The following MYOF variants were observed in gnomAD, a reference collection of about 807,000 sequenced individuals.
The protein encoded by MYOF is myoferlin, also known as fer-1-like 3, myoferlin.
A neutral mutation model predicts 284.2 loss-of-function variants in MYOF; 244 were observed. The observed-to-expected ratio is 0.86, with a 90% confidence interval of 0.77 to 0.95. The LOEUF (loss-of-function observed/expected upper bound fraction) is 0.95. Ranked by LOEUF, MYOF falls within the 40% of genes least tolerant of loss-of-function variation. The pLI is 0.00. For missense variants in MYOF, 2,496 were observed against 2,560.6 expected, an observed-to-expected ratio of 0.97 and a Z score of 0.54; for synonymous variants, 904 against 919.7, an observed-to-expected ratio of 0.98 and a Z score of 0.31.
At chr10:93,439,698 G>A (rs1222605692) in intron 3 of MYOF, among the ~76,000 whole-genome samples, 1 of 152,204 alleles carries the variant, frequency 6.6e-6, no homozygotes, top group Admixed American at 6.5e-5. Context: ...GGGATTAAAA[G>A]GATGATATGG....
At chr10:93,335,496 C>T (rs991048884) in intron 41 of MYOF, among the ~76,000 whole-genome samples, 15 of 152,096 alleles carry the variant, frequency 9.9e-5, no homozygotes, top group Non-Finnish European at 1.0e-4. Flanking sequence ...GAAGTTGTCA[C>T]GATGATCCTG....
At chr10:93,461,997 CT>C (rs2056893670) in intron 1 of MYOF, among the ~76,000 whole-genome samples, 1 of 152,150 alleles carries the variant, frequency 6.6e-6, no homozygotes, top group African/African-American at 2.4e-5. Flanking sequence ...TCAACCAGAA[CT>C]TCCTGCAGCT....
Position 93,456,946 on chromosome 10 carries a change from G to A in MYOF, c.89-9C>T. The stretch of plus-strand genomic sequence containing the variant: ...TGTTTTCTTTTTCTCATCTGCAAAA[G>A]AGATAAAGGAAGAGACAGCAATCAT... On this transcript the variant is annotated splice_polypyrimidine_tract_variant and intron_variant, in intron 1 of 53. Transcript: ENST00000359263. 1 of 1,594,852 alleles carries A rather than the reference G, an allele frequency of 6.3e-7. No individual in the cohort carries two copies. The highest frequency in any genetic ancestry group is 1.7e-4 in the Middle Eastern group (1 of 5,956).
chr10:93,425,356 A>G (rs1848539049), intron 5 of MYOF, among the ~76,000 whole-genome samples: 1 of 152,092 alleles, frequency 6.6e-6, no homozygotes, highest in South Asian at 2.1e-4. Context: ...AGGAAGGGAC[A>G]GAGACTTTTA....
intron 3 of MYOF, among the ~76,000 whole-genome samples, chr10:93,451,080 C>A (rs1234602162): frequency 6.6e-6 from 1 of 152,158 alleles, no homozygotes; most frequent in Non-Finnish European, 1.5e-5. Context: ...TAGCTCACAC[C>A]TGTAGTTCCA....
At chr10:93,432,779 C>T (rs1034348790) in intron 3 of MYOF, among the ~76,000 whole-genome samples, 1 of 152,168 alleles carries the variant, frequency 6.6e-6, no homozygotes, top group Admixed American at 6.5e-5. Context: ...ATGAGGAAAG[C>T]CCCCTCGACT....
intron 4 of MYOF, among the ~76,000 whole-genome samples, chr10:93,429,995 C>T (rs925051332): frequency 2.7e-5 from 4 of 150,006 alleles, no homozygotes; most frequent in Non-Finnish European, 3.0e-5. Context: ...AGTGCAGTGG[C>T]GCGATCTTGG....
intron 16 of MYOF, among the ~76,000 whole-genome samples, chr10:93,393,787 C>T (rs960095951): frequency 2.0e-5 from 3 of 152,192 alleles, no homozygotes; most frequent in Non-Finnish European, 4.4e-5. Flanking sequence ...CTCCACTCCC[C>T]TTCCTCCTTC....
intron 5 of MYOF, among the ~76,000 whole-genome samples, chr10:93,419,855 G>T (rs1309128707): frequency 6.6e-6 from 1 of 152,158 alleles, no homozygotes; most frequent in Non-Finnish European, 1.5e-5. Context: ...TTTAAGGCTG[G>T]GCATGGTGGC....
At chr10:93,329,858 G>A in intron 43 of MYOF, 24 bp from the exon 44 acceptor site, 1 of 1,612,736 alleles carries the variant, frequency 6.2e-7, no homozygotes, top group Non-Finnish European at 8.5e-7. Flanking sequence ...TGCAAGGTCA[G>A]AATCTTCATG....
intron 3 of MYOF, among the ~76,000 whole-genome samples, chr10:93,440,187 G>T (rs2056200710): frequency 6.6e-6 from 1 of 152,146 alleles, no homozygotes. Flanking sequence ...GCCGAGGCAG[G>T]TGGATCACGA....
intron 16 of MYOF, among the ~76,000 whole-genome samples, chr10:93,395,925 T>C (rs1276032170): frequency 6.7e-6 from 1 of 150,022 alleles, no homozygotes; most frequent in Admixed American, 6.7e-5. Context: ...AATATATGCA[T>C]ACTAGATTAT....
chr10:93,405,794 A>AT (rs3866906), intron 7 of MYOF, among the ~76,000 whole-genome samples: 1,247 of 113,742 alleles, frequency 0.011, 22 homozygotes, highest in African/African-American at 0.03. Context: ...ACAGGCTAGG[A>AT]TTTTTTTTTT....
chr10:93,480,858 C>T (rs749991726), intron 1 of MYOF, among the ~76,000 whole-genome samples: 23 of 152,170 alleles, frequency 1.5e-4, no homozygotes, highest in Middle Eastern at 6.8e-3. Flanking sequence ...AGGGGAAAAA[C>T]GGGAAACAGA....
At chr10:93,341,053 C>T (rs1007149892) in intron 38 of MYOF, among the ~76,000 whole-genome samples, 1 of 152,162 alleles carries the variant, frequency 6.6e-6, no homozygotes, top group Non-Finnish European at 1.5e-5. Flanking sequence ...AATGCAATTG[C>T]CAAGAGAGGC....
chr10:93,434,809 G>C (rs988858174), intron 3 of MYOF, among the ~76,000 whole-genome samples: 13 of 152,022 alleles, frequency 8.6e-5, no homozygotes, highest in African/African-American at 3.1e-4. Context: ...TTTTACAGGA[G>C]TATTTTTTTT....
At position 93,392,825 on chromosome 10, in the gene MYOF, C is replaced by CA. The variant is rs574711135; in HGVS notation, c.1456+91dup. On this transcript the variant is annotated intron_variant, in intron 17 of 53. Coordinates refer to ENST00000359263, the MANE Select transcript of MYOF (RefSeq NM_013451.4). ...AAACTATGTTGAGACAGCAAAATGT[C>CA]AAAAAAAAGTTCTAAAGACAGTCGA... 2.8e-4 allele frequency: 342 copies of CA among 1,222,694 alleles called. 1 individual carries two copies. The highest frequency in any genetic ancestry group is 5.1e-4 in the Admixed American group (25 of 49,070). 75.7% of individuals were successfully genotyped at this position (1,222,694 alleles called of 1,614,324 possible). A position where few individuals can be genotyped will look rare whatever the true frequency, so the allele number is the denominator to read the frequency against.
At chr10:93,404,973 T>C (rs760205197) in intron 7 of MYOF, among the ~76,000 whole-genome samples, 13 of 152,214 alleles carry the variant, frequency 8.5e-5, no homozygotes, top group South Asian at 4.1e-4. Context: ...TCCTAAAAGA[T>C]TGAACACTTA....
At chr10:93,469,864 C>T (rs910301724) in intron 1 of MYOF, among the ~76,000 whole-genome samples, 11 of 152,242 alleles carry the variant, frequency 7.2e-5, no homozygotes, top group Admixed American at 3.9e-4. Flanking sequence ...CCACTCTACC[C>T]GAGACTCAGT....
Sources: gnomAD v4.1 joint callset for allele counts (sites outside exome capture counted in the v4.1 genomes callset) on GRCh38, gnomAD v4.1.1 for gene constraint, MANE v1.5 for transcripts, NCBI Gene and HGNC (gene_info 2026-07-23, HGNC 2026-07-21) for gene names.